Variants in PARVB observed in about 807,000 individuals in gnomAD.
PARVB encodes beta-parvin.
Under a neutral mutation model 47.0 loss-of-function variants are expected in PARVB, and 46 were observed. That is an observed-to-expected ratio of 0.98 (90% CI 0.77 to 1.25). The LOEUF is 1.25. Among genes scored for constraint, PARVB ranks in the 50% most tolerant of loss-of-function variants. PARVB has a pLI of 0.00. For synonymous variants in PARVB, 196 were observed against 196.3 expected (o/e 1.00, Z 0.01); for missense variants, 473 against 471.6 (o/e 1.00, Z -0.03).
intron 4 of PARVB, 46 bp downstream of exon 4, chr22:44,119,186 C>A (rs775386238): frequency 5.2e-6 from 7 of 1,348,346 alleles, no homozygotes; most frequent in Non-Finnish European, 7.5e-6. Flanking sequence ...CATCTCCCTG[C>A]AGCGGCCCTG....
chr22:44,168,678 A>C lies in PARVB; in HGVS notation c.1095A>C (p.Ter365CysextTer80). The C allele has an allele frequency of 3.1e-6, 5 of 1,604,058 alleles. No individual in the cohort carries two copies. Among genetic ancestry groups the C allele is most frequent in the Non-Finnish European group, 4.3e-6 (5 of 1,170,936 alleles). ...NLFTKYKNVE[*>C] ...TCACCAAGTACAAGAACGTGGAGTG[A>C]CGGGGGAGCTGTGGATGGTGGCAGG... Residue 365 changes from the stop codon to cysteine, a stop_lost, in exon 13 of 13, where the codon TGA becomes TGC. Transcript: ENST00000338758.
intron 6 of PARVB, among the ~76,000 whole-genome samples, chr22:44,134,529 C>T (rs2053400967): frequency 6.6e-6 from 1 of 152,206 alleles, no homozygotes; most frequent in Non-Finnish European, 1.5e-5. Context: ...CAAGCACTTG[C>T]TGGTGCTTCC....
chr22:44,019,351 C>G (rs893264366), upstream of PARVB, among the ~76,000 whole-genome samples: 1 of 151,550 alleles, frequency 6.6e-6, no homozygotes, highest in African/African-American at 2.4e-5. Flanking sequence ...TCCCGAGTAG[C>G]TGGGATTACA....
At chr22:44,094,168 A>T in intron 2 of PARVB, 151 bp downstream of exon 2, 1 of 521,400 alleles carries the variant, frequency 1.9e-6, no homozygotes. Flanking sequence ...GCTCAAGGTC[A>T]TCTTTAGAAA....
At chr22:44,073,115 A>G (rs541816183) in intron 1 of PARVB, among the ~76,000 whole-genome samples, 362 of 152,340 alleles carry the variant, frequency 2.4e-3, no homozygotes, top group Admixed American at 9.7e-3. Context: ...GAATGAACAA[A>G]TGCAAACTAG....
intron 1 of PARVB, among the ~76,000 whole-genome samples, chr22:44,029,523 C>T (rs777672934): frequency 6.6e-6 from 1 of 152,170 alleles, no homozygotes; most frequent in African/African-American, 2.4e-5. Context: ...GACACATAAT[C>T]CCAGCACTTT....
At chr22:44,167,611 C>T (rs2054196252) in intron 12 of PARVB, among the ~76,000 whole-genome samples, 1 of 152,126 alleles carries the variant, frequency 6.6e-6, no homozygotes, top group Non-Finnish European at 1.5e-5. Context: ...CGCCATTCTC[C>T]CTCCCCTGCC....
intron 1 of PARVB, among the ~76,000 whole-genome samples, chr22:44,084,816 G>C (rs1319933651): frequency 6.6e-6 from 1 of 152,256 alleles, no homozygotes; most frequent in East Asian, 1.9e-4. Flanking sequence ...GTTGAACCCA[G>C]TGTGTGTCCT....
intron 1 of PARVB, among the ~76,000 whole-genome samples, chr22:44,048,105 C>T (rs539593435): frequency 4.6e-5 from 7 of 152,186 alleles, no homozygotes; most frequent in Non-Finnish European, 7.4e-5. Context: ...AGAACAGATG[C>T]GCGGACACAG....
At chr22:44,094,253 T>G (rs2052242858) in intron 2 of PARVB, among the ~76,000 whole-genome samples, 1 of 152,168 alleles carries the variant, frequency 6.6e-6, no homozygotes, top group African/African-American at 2.4e-5. Context: ...ATTTTTCAGG[T>G]GGTGAAGCAA....
chr22:44,086,883 C>G, intron 1 of PARVB: 2 of 952,154 alleles, frequency 2.1e-6, no homozygotes, highest in South Asian at 9.7e-5. Context: ...CCTGGAAAAC[C>G]TCATTTAACA....
rs114096952 is a variant in PARVB at position 44,168,272 on chromosome 22, C to T, written c.1019-330C>T. On this transcript the variant is annotated intron_variant, in intron 12 of 12. Transcript: ENST00000338758. ...TAAGTGTTACTGGGGTTTTTGGTCC[C>T]GGTAAGTGTCATTAGCCATGTCCCC... The T allele has an allele frequency of 1.4e-3, 381 of 263,402 alleles. 1 individual carries two copies. The highest frequency in any genetic ancestry group is 7.7e-3 in the African/African-American group (349 of 45,538). The allele number at this position is 263,402 out of a possible 1,614,324, so 16.3% of individuals were successfully genotyped here. A position where few individuals can be genotyped will look rare whatever the true frequency, so the allele number is the denominator to read the frequency against.
intron 1 of PARVB, among the ~76,000 whole-genome samples, chr22:44,064,231 A>C (rs1025640901): frequency 2.6e-5 from 4 of 152,180 alleles, no homozygotes; most frequent in African/African-American, 7.2e-5. Flanking sequence ...ACCTGGTTAT[A>C]GTCACGCCGA....
chr22:44,036,078 G>A (rs960512883), intron 1 of PARVB, among the ~76,000 whole-genome samples: 3 of 152,062 alleles, frequency 2.0e-5, no homozygotes, highest in African/African-American at 7.2e-5. Context: ...GCCAAATGGT[G>A]AAACCTTGTC....
chr22:44,168,543 A>G, intron 12 of PARVB, 59 bp from the exon 13 acceptor site: 2 of 1,120,852 alleles, frequency 1.8e-6, no homozygotes, highest in Admixed American at 1.7e-5. Flanking sequence ...TTCTGAGAGT[A>G]CCTACCGCAA....
intron 12 of PARVB, among the ~76,000 whole-genome samples, chr22:44,167,324 C>A (rs763121987): frequency 3.9e-5 from 6 of 152,152 alleles, no homozygotes; most frequent in Non-Finnish European, 8.8e-5. Context: ...TGATTCCTAT[C>A]CCTGGGCGCA....
chr22:44,128,733 T>C (rs767814993), intron 4 of PARVB, among the ~76,000 whole-genome samples: 4 of 152,202 alleles, frequency 2.6e-5, no homozygotes, highest in Admixed American at 2.0e-4. Flanking sequence ...CCACTGTCCC[T>C]GCTACCAGCC....
At chr22:44,156,050 G>A (rs192328701) in intron 10 of PARVB, among the ~76,000 whole-genome samples, 4 of 152,012 alleles carry the variant, frequency 2.6e-5, no homozygotes, top group East Asian at 3.9e-4. Flanking sequence ...CTCAGGAGGC[G>A]GAGGCAGAAG....
In PARVB at chr22:44,140,305, C is replaced by T. The variant is rs1387801335; in HGVS notation, c.712+162C>T. 33 of 764,478 alleles carry T rather than the reference C, an allele frequency of 4.3e-5. No individual in the cohort carries two copies. The Admixed American group carries it at 6.2e-4, about 14-fold the overall frequency. 47.4% of individuals were successfully genotyped at this position (764,478 alleles called of 1,614,324 possible). On this transcript the variant is annotated intron_variant, in intron 8 of 12. Transcript: ENST00000338758. Reference sequence around the variant, plus strand: ...AGAGAAAGTGCACAGCCCACCCCCACCTTTCTGTATAATGGGCTTGTTTCT... The same window carrying T: ...AGAGAAAGTGCACAGCCCACCCCCATCTTTCTGTATAATGGGCTTGTTTCT...
Sources: gnomAD v4.1 joint callset for allele counts (sites outside exome capture counted in the v4.1 genomes callset) on GRCh38, gnomAD v4.1.1 for gene constraint, MANE v1.5 for transcripts, NCBI Gene and HGNC (gene_info 2026-07-23, HGNC 2026-07-21) for gene names.